MARCHF4: variants seen among roughly 807,000 people sequenced by gnomAD.
MARCHF4 encodes the protein membrane associated ring-CH-type finger 4, also known as E3 ubiquitin-protein ligase MARCHF4.
Under a neutral mutation model 43.9 loss-of-function variants are expected in MARCHF4, and 14 were observed. The observed-to-expected ratio is 0.32, with a 90% CI of 0.21 to 0.50. The LOEUF is 0.50. Among genes scored for constraint, MARCHF4 ranks in the 20% least tolerant of loss-of-function variants. The pLI, the probability that MARCHF4 is intolerant of heterozygous loss-of-function variation, is 0.98. For missense variants in MARCHF4, 468 were observed against 536.7 expected, an observed-to-expected ratio of 0.87 and a Z score of 1.27; for synonymous variants, 226 against 213.3, an observed-to-expected ratio of 1.06 and a Z score of -0.52.
chr2:216,362,421 T>A (rs988366537), intron 1 of MARCHF4, among the ~76,000 whole-genome samples: 1 of 152,258 alleles, frequency 6.6e-6, no homozygotes. Context: ...CAGAGCCCTA[T>A]GCTAGCCACT....
chr2:216,285,791 G>A (rs83611), intron 1 of MARCHF4, among the ~76,000 whole-genome samples: 66,394 of 151,738 alleles, frequency 0.44, 14,582 homozygotes, highest in East Asian at 0.55. Flanking sequence ...CTCATTATTC[G>A]TGGCAGCATT....
chr2:216,318,605 C>T (rs1019369999), intron 1 of MARCHF4, among the ~76,000 whole-genome samples: 4 of 152,036 alleles, frequency 2.6e-5, no homozygotes, highest in African/African-American at 9.7e-5. Context: ...AGAGGGAAGA[C>T]CAGACAGGGA....
chr2:216,338,522 A>G (rs1275573033), intron 1 of MARCHF4, among the ~76,000 whole-genome samples: 1 of 151,976 alleles, frequency 6.6e-6, no homozygotes, highest in African/African-American at 2.4e-5. Context: ...GTTCCCATCA[A>G]CCCTGGATTC....
intron 1 of MARCHF4, among the ~76,000 whole-genome samples, chr2:216,320,703 C>T (rs1176010878): frequency 3.3e-4 from 46 of 137,398 alleles, no homozygotes; most frequent in African/African-American, 1.1e-3. Flanking sequence ...TGGAGTCCCA[C>T]TCTGTCACCC....
At chr2:216,342,490 G>A (rs1692252673) in intron 1 of MARCHF4, among the ~76,000 whole-genome samples, 1 of 152,194 alleles carries the variant, frequency 6.6e-6, no homozygotes, top group South Asian at 2.1e-4. Context: ...GGCTGGGGCT[G>A]AGGACAGGTC....
intron 1 of MARCHF4, among the ~76,000 whole-genome samples, chr2:216,291,411 A>T (rs1351972812): frequency 1.3e-5 from 2 of 152,152 alleles, no homozygotes; most frequent in Non-Finnish European, 2.9e-5. Context: ...TGGATGTCTG[A>T]GGACTGGTAT....
chr2:216,350,118 C>T (rs1692377505), intron 1 of MARCHF4, among the ~76,000 whole-genome samples: 2 of 151,992 alleles, frequency 1.3e-5, no homozygotes, highest in Admixed American at 6.5e-5. Context: ...CCATGCTATG[C>T]CACACGATGC....
intron 2 of MARCHF4, among the ~76,000 whole-genome samples, chr2:216,278,191 G>A (rs182412351): frequency 6.6e-6 from 1 of 152,172 alleles, no homozygotes; most frequent in African/African-American, 2.4e-5. Context: ...GCTAGTGAGG[G>A]TGGTGTTCTA....
intron 3 of MARCHF4, among the ~76,000 whole-genome samples, chr2:216,260,730 T>C (rs1375662613): frequency 6.6e-6 from 1 of 152,122 alleles, no homozygotes; most frequent in Non-Finnish European, 1.5e-5. Context: ...CTGAGTATAA[T>C]GGGAAGCTAT....
intron 3 of MARCHF4, among the ~76,000 whole-genome samples, chr2:216,260,909 G>C (rs939056510): frequency 6.6e-6 from 1 of 152,224 alleles, no homozygotes; most frequent in African/African-American, 2.4e-5. Context: ...TGGTGGAGCA[G>C]TGAGAAACTG....
At chr2:216,358,069 T>C (rs937390376) in intron 1 of MARCHF4, among the ~76,000 whole-genome samples, 1 of 152,250 alleles carries the variant, frequency 6.6e-6, no homozygotes, top group African/African-American at 2.4e-5. Context: ...TGTGATTTTA[T>C]TGTATGTTTG....
At chr2:216,286,171 C>A (rs1691215684) in intron 1 of MARCHF4, among the ~76,000 whole-genome samples, 1 of 152,202 alleles carries the variant, frequency 6.6e-6, no homozygotes. Context: ...TCCAGCGAAC[C>A]ATTCATTTTC....
intron 1 of MARCHF4, among the ~76,000 whole-genome samples, chr2:216,357,069 C>T (rs188056788): frequency 4.6e-5 from 7 of 151,934 alleles, no homozygotes; most frequent in Admixed American, 3.9e-4. Flanking sequence ...TCTCATATGA[C>T]TTTCACCCAA....
chr2:216,343,477 C>A (rs76425038), intron 1 of MARCHF4, among the ~76,000 whole-genome samples: 16,830 of 152,152 alleles, frequency 0.11, 1,135 homozygotes, highest in South Asian at 0.34. Context: ...AAGTCCCCAC[C>A]CTTCCTAATA....
intron 2 of MARCHF4, among the ~76,000 whole-genome samples, chr2:216,278,621 T>A (rs568515695): frequency 2.0e-5 from 3 of 152,332 alleles, no homozygotes; most frequent in African/African-American, 7.2e-5. Flanking sequence ...TTTTTTTTCT[T>A]GCTTTCTACA....
Position 216,258,328 on chromosome 2 carries a change from G to T in MARCHF4, c.*984C>A. ...CCGTAGGTCAGGGGTGCCCTACCGTGAGGGGACTGGGTCTGTGCATGTGCC... is the reference window on the plus strand; with the variant it reads ...CCGTAGGTCAGGGGTGCCCTACCGTTAGGGGACTGGGTCTGTGCATGTGCC... On this transcript the variant is annotated 3_prime_UTR_variant, in exon 4 of 4. Coordinates refer to ENST00000273067, the MANE Select transcript of MARCHF4 (RefSeq NM_020814.3). 6.5e-6 allele frequency: 1 copy of T among 152,676 alleles called. No individual in the cohort carries two copies. Among genetic ancestry groups the T allele is most frequent in the Non-Finnish European group, 1.5e-5 (1 of 68,270 alleles). The allele number at this position is 152,676 out of a possible 1,614,324, so 9.5% of individuals were successfully genotyped here.
At chr2:216,303,413 C>T (rs1691527213) in intron 1 of MARCHF4, 1 of 152,232 alleles carries the variant, frequency 6.6e-6, no homozygotes, top group Non-Finnish European at 1.5e-5. Flanking sequence ...ATTGACTGCA[C>T]AAATCAGCTC....
At chr2:216,259,763 T>C in intron 3 of MARCHF4, 84 bp from the exon 4 acceptor site, 8 of 1,369,636 alleles carry the variant, frequency 5.8e-6, no homozygotes, top group Non-Finnish European at 8.1e-6. Context: ...TCTGAATCTA[T>C]GCAAGGTATG....
chr2:216,334,323 C>T (rs1012681841), intron 1 of MARCHF4, among the ~76,000 whole-genome samples: 3 of 152,164 alleles, frequency 2.0e-5, no homozygotes, highest in Non-Finnish European at 4.4e-5. Context: ...TTCCTTCAAT[C>T]ACAGGGAATT....
Sources: gnomAD v4.1 joint callset for allele counts (sites outside exome capture counted in the v4.1 genomes callset) on GRCh38, gnomAD v4.1.1 for gene constraint, MANE v1.5 for transcripts, NCBI Gene and HGNC (gene_info 2026-07-23, HGNC 2026-07-21) for gene names.